Variants in DERA observed in about 807,000 individuals in gnomAD.
DERA encodes the protein deoxyribose-phosphate aldolase, also known as 2-deoxy-D-ribose 5-phosphate aldolase.
Under a neutral mutation model 41.1 loss-of-function variants are expected in DERA, and 15 were observed. That is an observed-to-expected ratio of 0.37 (90% confidence interval 0.24 to 0.56). The LOEUF is 0.56. Among genes scored for constraint, DERA ranks in the 20% least tolerant of loss-of-function variants. DERA has a pLI of 0.81. For synonymous variants in DERA, 139 were observed against 137.4 expected (o/e 1.01, Z -0.08); for missense variants, 396 against 403.4 (o/e 0.98, Z 0.16).
rs940529256 is a variant in DERA at position 16,021,174 on chromosome 12, C to G, written c.638-11368C>G. On this transcript the variant is annotated intron_variant, in intron 6 of 8. Coordinates refer to ENST00000428559, the MANE Select transcript of DERA (RefSeq NM_015954.4). The surrounding 1 kb of genome is among the most constrained non-coding windows in gnomAD (Gnocchi z 5.3). The stretch of plus-strand genomic sequence containing the variant: ...GGCATTTCAGAGGTCTTCGAAGCAG[C>G]CCCTGCCATCAAAGGCCCAGAGGCC... Among the ~76,000 whole-genome samples, 1 of 152,186 alleles carries G rather than the reference C, an allele frequency of 6.6e-6. No homozygotes were observed. The highest frequency in any genetic ancestry group is 2.1e-4 in the South Asian group (1 of 4,824).
rs1013371971 is a variant in DERA, at chr12:15,935,050, A to G, written c.32-21886A>G. Among the ~76,000 whole-genome samples, 1 of 152,118 alleles carries G rather than the reference A, an allele frequency of 6.6e-6. No individual in the cohort carries two copies. Among genetic ancestry groups the G allele is most frequent in the African/African-American group, 2.4e-5 (1 of 41,420 alleles). ...AGCAAATATTTCCAGAGCTAACAAAACTCTTTGGAGGAGAGTTTGGAAAAA... is the reference window on the plus strand; with the variant it reads ...AGCAAATATTTCCAGAGCTAACAAAGCTCTTTGGAGGAGAGTTTGGAAAAA... On this transcript the variant is annotated intron_variant, in intron 1 of 8. Coordinates refer to ENST00000428559, the MANE Select transcript of DERA (RefSeq NM_015954.4). The surrounding 1 kb of genome is among the most constrained non-coding windows in gnomAD (Gnocchi z 4.8).
intron 5 of DERA, among the ~76,000 whole-genome samples, chr12:15,979,236 T>A (rs1948717620): frequency 6.6e-6 from 1 of 151,942 alleles, no homozygotes; most frequent in Admixed American, 6.6e-5. Flanking sequence ...CATGAGGGAA[T>A]AAGGAGCAGA....
chr12:15,997,820 A>G (rs1592042320), intron 6 of DERA, among the ~76,000 whole-genome samples: 1 of 152,234 alleles, frequency 6.6e-6, no homozygotes, highest in African/African-American at 2.4e-5. Context: ...GGTGTTTACA[A>G]ATTCATTGCC....
chr12:16,025,189 C>T (rs1949045014), intron 6 of DERA, among the ~76,000 whole-genome samples: 2 of 152,064 alleles, frequency 1.3e-5, no homozygotes, highest in African/African-American at 4.8e-5. Context: ...AAGTAATAAA[C>T]ATGGTATATA....
intron 6 of DERA, among the ~76,000 whole-genome samples, chr12:16,030,931 G>C (rs1286376244): frequency 2.6e-5 from 4 of 152,166 alleles, no homozygotes; most frequent in African/African-American, 9.7e-5. Flanking sequence ...AGAAATGAAG[G>C]CTTCCAGTGA....
chr12:16,030,221 C>T lies in DERA; in HGVS notation c.638-2321C>T, dbSNP rs138408422. ...TGCTGGGATTACAGTTGTGAGCCAC[C>T]ACGTCCAGCCAGTAGCCTTGGTCTT... On this transcript the variant is annotated intron_variant, in intron 6 of 8. Transcript: ENST00000428559. Among the ~76,000 whole-genome samples, 565 of 151,914 alleles carry T rather than the reference C, an allele frequency of 3.7e-3. 2 individuals are homozygous for T. Among genetic ancestry groups the T allele is most frequent in the African/African-American group, 0.013 (549 of 41,396 alleles).
chr12:15,973,521 A>G (rs919568237), intron 5 of DERA, among the ~76,000 whole-genome samples: 1 of 150,366 alleles, frequency 6.7e-6, no homozygotes, highest in African/African-American at 2.4e-5. Flanking sequence ...TTACATGTGA[A>G]TATGTAAGCA....
At position 15,911,357 on chromosome 12, in the gene DERA, G is replaced by C; in HGVS notation, c.-27G>C. The C allele has an allele frequency of 1.4e-6, 2 of 1,426,552 alleles. No individual in the cohort carries two copies. The highest frequency in any genetic ancestry group is 1.8e-6 in the Non-Finnish European group (2 of 1,100,952). 88.4% of individuals were successfully genotyped at this position (1,426,552 alleles called of 1,614,324 possible). On this transcript the variant is annotated 5_prime_UTR_variant, in exon 1 of 9. Coordinates refer to ENST00000428559, the MANE Select transcript of DERA (RefSeq NM_015954.4). The surrounding 1 kb of genome is among the most constrained non-coding windows in gnomAD (Gnocchi z 4.5). ...GCGGCGCAGAGGCGGGCGCCTACCA[G>C]CCGGCAGCTCCGGAGCTGCCCGCGC...
intron 6 of DERA, among the ~76,000 whole-genome samples, chr12:16,030,740 T>C (rs1218850431): frequency 6.6e-6 from 1 of 152,268 alleles, no homozygotes; most frequent in East Asian, 1.9e-4. Context: ...GTTTCTTTAT[T>C]GTCTTTCTCT....
intron 7 of DERA, among the ~76,000 whole-genome samples, chr12:16,034,092 A>G (rs1339651437): frequency 6.6e-6 from 1 of 152,218 alleles, no homozygotes; most frequent in African/African-American, 2.4e-5. Flanking sequence ...GAAGCTTTTC[A>G]TACTTACAGA....
At chr12:15,944,178 G>A (rs550823991) in intron 1 of DERA, among the ~76,000 whole-genome samples, 6 of 152,072 alleles carry the variant, frequency 3.9e-5, no homozygotes, top group East Asian at 1.9e-4. Context: ...GAATAGTGCC[G>A]CAATGAACAT....
At chr12:15,961,437 G>C (rs571568415) in intron 4 of DERA, among the ~76,000 whole-genome samples, 2 of 152,130 alleles carry the variant, frequency 1.3e-5, no homozygotes, top group East Asian at 3.9e-4. Flanking sequence ...CACTTTGGGG[G>C]GGCTCAGGCG....
chr12:15,940,456 A>C lies in DERA; in HGVS notation c.32-16480A>C, dbSNP rs1223481433. On this transcript the variant is annotated intron_variant, in intron 1 of 8. Transcript: ENST00000428559. This position sits in a 1 kb window ranked among gnomAD's most constrained non-coding sequence, Gnocchi z 5.1. ...AACCTCCACCTCCCGGGTTCAAACG[A>C]TTCTTCTGCCTCAGCCTCTCGAGTA... Among the ~76,000 whole-genome samples, 1 of 152,034 alleles carries C rather than the reference A, an allele frequency of 6.6e-6. No individual in the cohort carries two copies. Among genetic ancestry groups the C allele is most frequent in the East Asian group, 1.9e-4 (1 of 5,202 alleles).
rs1291781315 is a variant in DERA, at chr12:15,918,235, C to T, written c.31+6821C>T. Among the ~76,000 whole-genome samples the T allele has an allele frequency of 6.6e-6, 1 of 152,190 alleles. No homozygotes were observed. The highest frequency in any genetic ancestry group is 6.5e-5 in the Admixed American group (1 of 15,286). ...CTTGGTCCCCCACAGCAGGCTGCTGCCTACACAAATCTCCCTGTTACCTTA... is the reference window on the plus strand; with the variant it reads ...CTTGGTCCCCCACAGCAGGCTGCTGTCTACACAAATCTCCCTGTTACCTTA... On this transcript the variant is annotated intron_variant, in intron 1 of 8. Transcript: ENST00000428559. The surrounding 1 kb of genome is among the most constrained non-coding windows in gnomAD (Gnocchi z 4.3).
intron 1 of DERA, among the ~76,000 whole-genome samples, chr12:15,947,438 A>G (rs566954028): frequency 2.0e-5 from 3 of 152,232 alleles, no homozygotes; most frequent in South Asian, 2.1e-4. Context: ...TTCTTGTTGA[A>G]TTGATCTCTT....
intron 6 of DERA, among the ~76,000 whole-genome samples, chr12:15,986,520 G>A (rs1948765285): frequency 6.6e-6 from 1 of 152,062 alleles, no homozygotes; most frequent in South Asian, 2.1e-4. Flanking sequence ...CTAACAATGT[G>A]CATCCTTAAT....
rs1048838307 is a variant in DERA, at chr12:16,004,870, A to G, written c.637+22434A>G. 6.6e-6 allele frequency among the ~76,000 whole-genome samples: 1 copy of G among 152,198 alleles called. No individual in the cohort carries two copies. Among genetic ancestry groups the G allele is most frequent in the Non-Finnish European group, 1.5e-5 (1 of 68,026 alleles). On this transcript the variant is annotated intron_variant, in intron 6 of 8. Transcript: ENST00000428559. The surrounding 1 kb of genome is among the most constrained non-coding windows in gnomAD (Gnocchi z 4.2). ...GATCGTCTGCATATGTGTGTTTCCT[A>G]GTTCAAGGAGTTAGAAAACTTTTGA...
chr12:15,913,325 C>T lies in DERA; in HGVS notation c.31+1911C>T, dbSNP rs1948177748. ...TATTTGTTAAAATCAGATTTTTTTC[C>T]TTCACGGGTATTAATCCTTAATCCA... is the stretch of plus-strand genomic sequence containing the variant. On this transcript the variant is annotated intron_variant, in intron 1 of 8. Coordinates refer to ENST00000428559, the MANE Select transcript of DERA (RefSeq NM_015954.4). This position sits in a 1 kb window ranked among gnomAD's most constrained non-coding sequence, Gnocchi z 4.5. Among the ~76,000 whole-genome samples the T allele has an allele frequency of 1.3e-5, 2 of 151,854 alleles. No homozygotes were observed. The highest frequency in any genetic ancestry group is 1.5e-5 in the Non-Finnish European group (1 of 67,952).
chr12:15,953,263 G>T (rs945325831), intron 1 of DERA, among the ~76,000 whole-genome samples: 2 of 152,166 alleles, frequency 1.3e-5, no homozygotes, highest in African/African-American at 4.8e-5. Flanking sequence ...TTTTGTGTAT[G>T]AGGAACAAAG....
Sources: allele counts gnomAD v4.1 joint callset (sites outside exome capture counted in the v4.1 genomes callset), GRCh38; gene constraint gnomAD v4.1.1; non-coding constraint Gnocchi (gnomAD v3.1); transcripts MANE v1.5; gene names NCBI Gene and HGNC (gene_info 2026-07-23, HGNC 2026-07-21).